The following EPS8L2 variants were observed in gnomAD, a reference collection of about 807,000 sequenced individuals.
The protein encoded by EPS8L2 is EPS8 signaling adaptor L2.
EPS8L2 carries 81 observed loss-of-function variants against 99.4 expected under a neutral mutation model. That is an observed-to-expected ratio of 0.82 (90% CI 0.68 to 0.98). The LOEUF is 0.98. Ranked by LOEUF, EPS8L2 falls within the 50% of genes least tolerant of loss-of-function variation. The probability of loss-of-function intolerance (pLI) is 0.00; values close to 1 mark genes in which losing one functional copy is unlikely to be tolerated. For missense variants in EPS8L2, 1,155 were observed against 968.8 expected (o/e 1.19, Z -2.55); for synonymous variants, 509 against 407.3 (o/e 1.25, Z -3.01).
In EPS8L2 at chr11:714,608, A is replaced by C. The variant is rs867566877; in HGVS notation, c.165+4122A>C. On this transcript the variant is annotated intron_variant, in intron 4 of 20. Transcript: ENST00000318562. ...GCCAGGATCCATTTTATTTTATTTT[A>C]TTTTATTTTATTTATTTTTTTATTT... Among the ~76,000 whole-genome samples, 4 of 148,062 alleles carry C rather than the reference A, an allele frequency of 2.7e-5. No individual in the cohort carries two copies. The South Asian group carries it at 8.4e-4, about 31-fold the overall frequency.
Position 727,698 on chromosome 11 carries a change from A to G in EPS8L2, c.*717A>G, listed in dbSNP as rs1182028524. On this transcript the variant is annotated 3_prime_UTR_variant, in exon 21 of 21. Coordinates refer to ENST00000318562, the MANE Select transcript of EPS8L2 (RefSeq NM_022772.4). ...GAGAGGTGGCTGAGGCACCAGGGCT[A>G]AGCAATTAAACCAGTTAAGTCTCCC... is the stretch of plus-strand genomic sequence containing the variant. The G allele has an allele frequency of 6.5e-6, 1 of 152,776 alleles. No individual in the cohort carries two copies. Among genetic ancestry groups the G allele is most frequent in the African/African-American group, 2.4e-5 (1 of 41,442 alleles). 9.5% of individuals were successfully genotyped at this position (152,776 alleles called of 1,614,324 possible).
At chr11:716,891 G>A (rs1246564017) in intron 4 of EPS8L2, among the ~76,000 whole-genome samples, 1 of 152,186 alleles carries the variant, frequency 6.6e-6, no homozygotes, top group South Asian at 2.1e-4. Context: ...TTGTTTGGTT[G>A]TATTGTGTGT....
intron 4 of EPS8L2, among the ~76,000 whole-genome samples, chr11:716,993 T>G (rs1425737014): frequency 6.6e-6 from 1 of 152,210 alleles, no homozygotes. Flanking sequence ...TTATTTATTT[T>G]TGAGACAGAG....
At chr11:723,627 T>G (rs1834756890) in intron 15 of EPS8L2, among the ~76,000 whole-genome samples, 1 of 152,218 alleles carries the variant, frequency 6.6e-6, no homozygotes, top group South Asian at 2.1e-4. Context: ...TAGAAACTAC[T>G]AAACCACTGA....
Position 727,683 on chromosome 11 carries a change from T to A in EPS8L2, c.*702T>A, listed in dbSNP as rs1019464910. 2.0e-5 allele frequency: 3 copies of A among 152,868 alleles called. No individual in the cohort carries two copies. The highest frequency in any genetic ancestry group is 1.5e-5 in the Non-Finnish European group (1 of 68,150). The allele number at this position is 152,868 out of a possible 1,614,324, so 9.5% of individuals were successfully genotyped here. A position where few individuals can be genotyped will look rare whatever the true frequency, so the allele number is the denominator to read the frequency against. On this transcript the variant is annotated 3_prime_UTR_variant, in exon 21 of 21. Coordinates refer to ENST00000318562, the MANE Select transcript of EPS8L2 (RefSeq NM_022772.4). ...TCTCACCCTACAGATGAGAGGTGGC[T>A]GAGGCACCAGGGCTAAGCAATTAAA...
Position 720,219 on chromosome 11 carries a change from C to T in EPS8L2, c.323C>T (p.Ser108Leu). 1.2e-6 allele frequency: 2 copies of T among 1,612,868 alleles called. No individual in the cohort carries two copies. Among genetic ancestry groups the T allele is most frequent in the Non-Finnish European group, 1.7e-6 (2 of 1,179,830 alleles). ...TCGCTGCGGCTGCTGGACATCGAGT[C>T]ACAGGTGGGGCCCAGCGCCACGGGG... ...DQSLRLLDIE[S>L]QEELEDFPLP... Residue 108 changes from serine (S) to leucine (L), a missense_variant, in exon 5 of 21, where the codon TCA (serine) becomes TTA (leucine). By Grantham distance (145) the Ser-to-Leu change is moderately radical (BLOSUM62 -2). Coordinates refer to ENST00000318562, the MANE Select transcript of EPS8L2 (RefSeq NM_022772.4).
intron 4 of EPS8L2, among the ~76,000 whole-genome samples, chr11:718,134 A>G (rs1014820284): frequency 2.6e-5 from 4 of 152,334 alleles, no homozygotes; most frequent in African/African-American, 9.6e-5. Context: ...GTAGTTTGAG[A>G]CCATTCTGGC....
chr11:722,129 G>T lies in EPS8L2; in HGVS notation c.1023G>T (p.Ala341=), dbSNP rs756575191. ...AGCACATCCAGAACCCCAGCGCCGC[G>T]GAGCTCGTGCACTTCCTCTTCGGGC... The part of the protein sequence containing the change: ...LQKHIQNPSA[A]ELVHFLFGPL... Residue 341 remains alanine, a synonymous_variant, in exon 12 of 21, where the codon GCG becomes GCT. Coordinates refer to ENST00000318562, the MANE Select transcript of EPS8L2 (RefSeq NM_022772.4). 5.0e-6 allele frequency: 8 copies of T among 1,612,958 alleles called. No homozygotes were observed. Among genetic ancestry groups the T allele is most frequent in the Middle Eastern group, 3.3e-4 (2 of 6,056 alleles).
chr11:724,465 C>A lies in EPS8L2; in HGVS notation c.1455-259C>A. The A allele has an allele frequency of 1.9e-6, 1 of 513,396 alleles. No individual in the cohort carries two copies. The highest frequency in any genetic ancestry group is 2.1e-5 in the South Asian group (1 of 47,480). 31.8% of individuals were successfully genotyped at this position (513,396 alleles called of 1,614,324 possible). A position where few individuals can be genotyped will look rare whatever the true frequency, so the allele number is the denominator to read the frequency against. On this transcript the variant is annotated intron_variant, in intron 15 of 20. Transcript: ENST00000318562. This position sits in a 1 kb window ranked among gnomAD's most constrained non-coding sequence, Gnocchi z 5.5. ...GACCCCTGAGGTGGCCTGGGATGGG[C>A]CAGCCTTGCTGTACCACAGGCCCCT...
chr11:720,994 A>AGGAGCCCGGCAGGGAGGGAGG, intron 7 of EPS8L2, 70 bp from the exon 8 acceptor site: 1 of 1,428,170 alleles, frequency 7.0e-7, no homozygotes, highest in East Asian at 2.5e-5. Context: ...AGGGGAGGGG[A>AGGAGCCCGGCAGGGAGGGAGG]GGAGCCCGGC....
chr11:719,000 C>T (rs1195693000), intron 4 of EPS8L2, among the ~76,000 whole-genome samples: 2 of 142,096 alleles, frequency 1.4e-5, no homozygotes, highest in African/African-American at 5.3e-5. Context: ...GAGTCTTCCT[C>T]TGTTGCCCAG....
At chr11:722,321 A>C in intron 12 of EPS8L2, 80 bp from the exon 13 acceptor site, 1 of 1,570,466 alleles carries the variant, frequency 6.4e-7, no homozygotes, top group Non-Finnish European at 8.7e-7. Context: ...TCCCTTCCCG[A>C]GGGCCAGCCT....
rs555586443 is a variant in EPS8L2 at position 715,159 on chromosome 11, G to A, written c.165+4673G>A. ...CGGGAGGCTGAGGCAGGAGAATGGC[G>A]TGAACCCCGGAGGCGGAGCTTGCAG... On this transcript the variant is annotated intron_variant, in intron 4 of 20. Transcript: ENST00000318562. 5.9e-5 allele frequency among the ~76,000 whole-genome samples: 9 copies of A among 152,044 alleles called. No individual in the cohort carries two copies. In the South Asian group the frequency reaches 1.0e-3, roughly 18 times the overall value.
intron 4 of EPS8L2, 89 bp from the exon 5 acceptor site, chr11:719,973 C>A (rs1862113002): frequency 2.9e-6 from 4 of 1,370,098 alleles, no homozygotes; most frequent in Non-Finnish European, 3.9e-6. Flanking sequence ...TGGCTGTGGC[C>A]CCTCAGCCCC....
rs140464832 is a variant in EPS8L2, at chr11:726,965, G to C, written c.2132G>C (p.Arg711Thr). 3.7e-5 allele frequency: 59 copies of C among 1,612,614 alleles called. 1 individual carries two copies. Among genetic ancestry groups the C allele is most frequent in the East Asian group, 1.6e-4 (7 of 44,876 alleles). ...MNKFHSMNQR[R>T]GEDS ...AAGTTTCATTCCATGAATCAGAGGA[G>C]GGGGGAGGACAGCTAGGCCCAGCTG... The change falls in exon 21 of 21, where the codon AGG becomes ACG. Residue 711 changes from arginine to threonine, a missense_variant. Transcript: ENST00000318562.
chr11:715,925 T>C (rs1201251539), intron 4 of EPS8L2, among the ~76,000 whole-genome samples: 1 of 151,016 alleles, frequency 6.6e-6, no homozygotes, highest in African/African-American at 2.4e-5. Context: ...CGGCATTGAT[T>C]CACTTTTCCT....
At chr11:718,370 G>A (rs1477082477) in intron 4 of EPS8L2, among the ~76,000 whole-genome samples, 3 of 151,700 alleles carry the variant, frequency 2.0e-5, no homozygotes, top group Non-Finnish European at 4.4e-5. Flanking sequence ...AAAAAAACCC[G>A]CCAAACCGAC....
chr11:707,090 C>T (rs1052797479), intron 1 of EPS8L2, among the ~76,000 whole-genome samples: 2 of 151,798 alleles, frequency 1.3e-5, no homozygotes, highest in South Asian at 4.2e-4. Context: ...TGCTGGGAGG[C>T]AGGCCCAGCT....
At position 727,033 on chromosome 11, in the gene EPS8L2, A is replaced by G. The variant is rs1564981157; in HGVS notation, c.*52A>G. ...CGGAGGGGAAGCCCACCCACAATGC[A>G]TGGAGTATTATTTTTATATGTGTAT... is the stretch of plus-strand genomic sequence containing the variant. On this transcript the variant is annotated 3_prime_UTR_variant, in exon 21 of 21. Transcript: ENST00000318562. 6.6e-6 allele frequency: 8 copies of G among 1,208,358 alleles called. No homozygotes were observed. The allele number at this position is 1,208,358 out of a possible 1,614,324, so 74.9% of individuals were successfully genotyped here.
Sources: gnomAD v4.1 joint callset for allele counts (sites outside exome capture counted in the v4.1 genomes callset) on GRCh38, gnomAD v4.1.1 for gene constraint, Gnocchi (gnomAD v3.1) non-coding constraint, MANE v1.5 for transcripts, NCBI Gene and HGNC (gene_info 2026-07-23, HGNC 2026-07-21) for gene names.